Variants in SPECC1 observed in about 807,000 individuals in gnomAD.
SPECC1 encodes the protein cytospin-B.
Under a neutral mutation model 104.1 loss-of-function variants are expected in SPECC1, and 62 were observed. The observed-to-expected ratio is 0.60, with a 90% CI of 0.49 to 0.74. SPECC1 has a LOEUF of 0.74. SPECC1 is among the 30% of genes least tolerant of loss of function. SPECC1 has a pLI of 0.00. For synonymous variants in SPECC1, 513 were observed against 501.6 expected (o/e 1.02, Z -0.30); for missense variants, 1,306 against 1,310.5 (o/e 1.00, Z 0.05).
intron 2 of SPECC1, among the ~76,000 whole-genome samples, chr17:20,110,024 G>A (rs1043193132): frequency 6.6e-5 from 10 of 151,840 alleles, no homozygotes; most frequent in African/African-American, 2.4e-4. Flanking sequence ...AAATATTAGC[G>A]AGACAGAGTC....
chr17:20,232,458 G>C, intron 7 of SPECC1, 53 bp downstream of exon 7: 1 of 1,542,524 alleles, frequency 6.5e-7, no homozygotes, highest in Non-Finnish European at 8.7e-7. Context: ...CTATGTATGG[G>C]GCTCCCTGGT....
At chr17:20,025,605 TTCA>T (rs1313964096) in intron 1 of SPECC1, among the ~76,000 whole-genome samples, 1 of 152,224 alleles carries the variant, frequency 6.6e-6, no homozygotes, top group Non-Finnish European at 1.5e-5. Context: ...TATTTACCTG[TTCA>T]TCAGATGATG....
At chr17:20,283,006 C>G (rs2040825986) in intron 12 of SPECC1, among the ~76,000 whole-genome samples, 1 of 151,890 alleles carries the variant, frequency 6.6e-6, no homozygotes, top group African/African-American at 2.4e-5. Flanking sequence ...TAGTGAGACC[C>G]CATCTCTAAG....
intron 12 of SPECC1, among the ~76,000 whole-genome samples, chr17:20,279,550 G>A (rs946597916): frequency 6.6e-5 from 10 of 152,012 alleles, no homozygotes; most frequent in African/African-American, 9.7e-5. Context: ...TTGAACTCCC[G>A]ACCTCAGGTG....
At chr17:20,059,445 T>A (rs867144773) in intron 1 of SPECC1, among the ~76,000 whole-genome samples, 10 of 152,270 alleles carry the variant, frequency 6.6e-5, no homozygotes, top group Middle Eastern at 6.8e-3. Context: ...ATTGCTCACC[T>A]CCTGCTGTGT....
intron 3 of SPECC1, among the ~76,000 whole-genome samples, chr17:20,195,707 G>C (rs2035987715): frequency 6.6e-6 from 1 of 152,038 alleles, no homozygotes; most frequent in Admixed American, 6.6e-5. Flanking sequence ...ACAGGCACCA[G>C]CCACCACACC....
chr17:20,078,229 A>G (rs1297016521), intron 1 of SPECC1, among the ~76,000 whole-genome samples: 1 of 151,356 alleles, frequency 6.6e-6, no homozygotes, highest in East Asian at 2.0e-4. Flanking sequence ...TTTGAGTTGC[A>G]TATGCAAAAA....
chr17:20,278,194 C>T (rs2040638637), intron 12 of SPECC1, among the ~76,000 whole-genome samples: 1 of 152,148 alleles, frequency 6.6e-6, no homozygotes, highest in Admixed American at 6.5e-5. Flanking sequence ...ACCACACCTA[C>T]CTGAAAAACG....
At position 20,298,921 on chromosome 17, in the gene SPECC1, A is replaced by AAGAGAG. The variant is rs370856374; in HGVS notation, c.3057+1867_3057+1872dup. On this transcript the variant is annotated intron_variant, in intron 13 of 14. Coordinates refer to ENST00000395527, the MANE Select transcript of SPECC1 (RefSeq NM_001243439.2). ...GAATTCTCCAAAAAAGCAGAACCAAAAGAGAGAGAGAGAGAGAGAGAGAGA... is the reference window on the plus strand; with the variant it reads ...GAATTCTCCAAAAAAGCAGAACCAAAAGAGAGAGAGAGAGAGAGAGAGAGAGAGAGA... Among the ~76,000 whole-genome samples, 690 of 72,626 alleles carry AAGAGAG rather than the reference A, an allele frequency of 9.5e-3. 17 individuals carry two copies. Among genetic ancestry groups the AAGAGAG allele is most frequent in the Middle Eastern group, 0.033 (6 of 184 alleles). The allele number at this position is 72,626 out of a possible 152,430, so 47.6% of individuals were successfully genotyped here. A position where few individuals can be genotyped will look rare whatever the true frequency, so the allele number is the denominator to read the frequency against.
At chr17:20,200,177 T>A (rs2036320829) in intron 3 of SPECC1, among the ~76,000 whole-genome samples, 1 of 152,232 alleles carries the variant, frequency 6.6e-6, no homozygotes, top group Non-Finnish European at 1.5e-5. Flanking sequence ...ATTGCACAGA[T>A]GTAATCATAA....
chr17:20,250,045 C>T (rs1843795350), intron 9 of SPECC1, among the ~76,000 whole-genome samples: 1 of 151,758 alleles, frequency 6.6e-6, no homozygotes, highest in Non-Finnish European at 1.5e-5. Context: ...CTAAAAGCAC[C>T]CAAAAGAAAA....
chr17:20,240,855 G>A (rs917217470), intron 7 of SPECC1, among the ~76,000 whole-genome samples: 2 of 152,154 alleles, frequency 1.3e-5, no homozygotes, highest in Non-Finnish European at 2.9e-5. Flanking sequence ...GACAGTATCA[G>A]TGTTGAACTC....
At chr17:20,090,591 C>CAA (rs56019742) in intron 1 of SPECC1, among the ~76,000 whole-genome samples, 2 of 142,456 alleles carry the variant, frequency 1.4e-5, no homozygotes, top group East Asian at 2.1e-4. Context: ...TACACTATTC[C>CAA]AAAAAAAAAA....
In SPECC1 at chr17:20,317,967, C is replaced by G. The variant is rs2042060455; in HGVS notation, c.*3902C>G. Reference sequence around the variant, plus strand: ...GGTCTGTTTTTAACAGAGCTCAGAGCACCAGGTGAAGGTGGAAAGTTGGCA... The same window carrying G: ...GGTCTGTTTTTAACAGAGCTCAGAGGACCAGGTGAAGGTGGAAAGTTGGCA... On this transcript the variant is annotated 3_prime_UTR_variant, in exon 15 of 15. Transcript: ENST00000395527. The G allele has an allele frequency of 2.2e-5, 5 of 227,240 alleles. No individual in the cohort carries two copies. The East Asian group carries it at 3.2e-4, about 14-fold the overall frequency. 14.1% of individuals were successfully genotyped at this position (227,240 alleles called of 1,614,324 possible). A position where few individuals can be genotyped will look rare whatever the true frequency, so the allele number is the denominator to read the frequency against.
intron 7 of SPECC1, among the ~76,000 whole-genome samples, chr17:20,240,060 A>AATTTTT (rs1346205628): frequency 3.1e-5 from 1 of 32,180 alleles, no homozygotes; most frequent in Non-Finnish European, 5.2e-5. Context: ...TGTCCAGCTA[A>AATTTTT]TTTTTTTTTT....
chr17:20,188,780 C>T (rs2035456636), intron 3 of SPECC1, among the ~76,000 whole-genome samples: 1 of 152,132 alleles, frequency 6.6e-6, no homozygotes, highest in African/African-American at 2.4e-5. Context: ...ATAGTAAACT[C>T]CGATTCAAAG....
chr17:20,288,048 TG>T (rs1273391610), intron 12 of SPECC1, among the ~76,000 whole-genome samples: 1 of 152,148 alleles, frequency 6.6e-6, no homozygotes, highest in Non-Finnish European at 1.5e-5. Flanking sequence ...GAACATACTT[TG>T]TTTGGTTTTC....
rs1238167286 is a variant in SPECC1 at position 20,205,201 on chromosome 17, C to T, written c.1152C>T (p.His384=). The T allele has an allele frequency of 3.1e-6, 5 of 1,613,990 alleles. No individual in the cohort carries two copies. The highest frequency in any genetic ancestry group is 3.4e-6 in the Non-Finnish European group (4 of 1,180,034). The stretch of plus-strand genomic sequence containing the variant: ...AGATACAAAAGATGGAAGAAAACCA[C>T]CATAGCACTGCAGAAGAACTACAGG... ...TEKIQKMEEN[H]HSTAEELQAT... The change falls in exon 4 of 15, where the codon CAC becomes CAT. Residue 384 remains histidine, a synonymous_variant. Coordinates refer to ENST00000395527, the MANE Select transcript of SPECC1 (RefSeq NM_001243439.2).
At chr17:20,232,591 C>T (rs2151481955) in intron 7 of SPECC1, 186 bp downstream of exon 7, 2 of 684,348 alleles carry the variant, frequency 2.9e-6, no homozygotes, top group Non-Finnish European at 4.8e-6. Flanking sequence ...TGCCATGCTG[C>T]AGCATAAGAG....
Sources: gnomAD v4.1 joint callset for allele counts (sites outside exome capture counted in the v4.1 genomes callset) on GRCh38, gnomAD v4.1.1 for gene constraint, MANE v1.5 for transcripts, NCBI Gene and HGNC (gene_info 2026-07-23, HGNC 2026-07-21) for gene names.